Variants in ERMP1 observed in about 807,000 individuals in gnomAD.
The protein encoded by ERMP1 is endoplasmic reticulum metallopeptidase 1.
In ERMP1, 86 loss-of-function variants were observed where a neutral mutation model predicts 92.0. The observed-to-expected ratio is 0.93, with a 90% CI of 0.79 to 1.12. ERMP1 has a LOEUF of 1.12. Among genes scored for constraint, ERMP1 ranks in the 50% most tolerant of loss-of-function variants. The pLI is 0.00. For synonymous variants in ERMP1, 530 were observed against 412.8 expected (o/e 1.28, Z -3.44); for missense variants, 1,342 against 1,116.3 (o/e 1.20, Z -2.88).
upstream of ERMP1, among the ~76,000 whole-genome samples, chr9:5,834,253 GTCTTTTTAAC>G (rs1830054165): frequency 6.6e-6 from 1 of 152,090 alleles, no homozygotes; most frequent in South Asian, 2.1e-4. Context: ...TCTCCTCATT[GTCTTTTTAAC>G]TCCTAGTTAT....
At chr9:5,797,980 G>C (rs775841720) in intron 12 of ERMP1, 48 bp from the exon 13 acceptor site, 2 of 1,143,412 alleles carry the variant, frequency 1.7e-6, no homozygotes, top group Non-Finnish European at 2.7e-6. Flanking sequence ...TTATTTGATG[G>C]CTATCTGTAA....
intron 13 of ERMP1, among the ~76,000 whole-genome samples, chr9:5,791,484 C>T (rs1358030968): frequency 2.0e-5 from 3 of 152,168 alleles, no homozygotes; most frequent in African/African-American, 7.2e-5. Context: ...TTCACAGAAA[C>T]ATCTAGGATA....
At chr9:5,812,344 T>C (rs1829129394) in intron 5 of ERMP1, 127 bp from the exon 6 acceptor site, 1 of 598,610 alleles carries the variant, frequency 1.7e-6, no homozygotes, top group Non-Finnish European at 2.9e-6. Flanking sequence ...CTTTGTCACA[T>C]TTACAAACGA....
intron 13 of ERMP1, among the ~76,000 whole-genome samples, chr9:5,790,274 G>T (rs1017517885): frequency 2.6e-5 from 4 of 151,068 alleles, no homozygotes; most frequent in African/African-American, 9.7e-5. Context: ...CTGCCTCCCG[G>T]GTTCAAGTAA....
chr9:5,830,779 G>C lies in ERMP1; in HGVS notation c.588C>G (p.Ala196=). 6.2e-7 allele frequency: 1 copy of C among 1,614,036 alleles called. No individual in the cohort carries two copies. The highest frequency in any genetic ancestry group is 8.5e-7 in the Non-Finnish European group (1 of 1,179,980). ...VVVKLEPRDG[A]QHAVLANCHF... is the part of the protein sequence containing the mutation. ...GACAATTAGCCAAGACAGCATGCTGGGCTCCATCTCTGGGTTCCAGCTTTA... is the reference window on the plus strand; with the variant it reads ...GACAATTAGCCAAGACAGCATGCTGCGCTCCATCTCTGGGTTCCAGCTTTA... The change falls in exon 2 of 15, where the codon GCC becomes GCG. Residue 196 remains alanine (A), a synonymous_variant. Transcript: ENST00000339450.
rs1313249324 is a variant in ERMP1, at chr9:5,832,985, C to T, written c.43G>A (p.Val15Ile). ...GCTCCCTCTCGACGCTCTACTCCGACGCGGTGCCGCCTCACAGCAGCCGAC... is the reference window on the plus strand; with the variant it reads ...GCTCCCTCTCGACGCTCTACTCCGATGCGGTGCCGCCTCACAGCAGCCGAC... ...SESAAVRRHR[V>I]GVERREGAAA... is the part of the protein sequence containing the mutation. The change falls in exon 1 of 15, where the codon GTC (valine) becomes ATC (isoleucine). Residue 15 changes from valine (V) to isoleucine (I), a missense_variant. Transcript: ENST00000339450. 4 of 1,561,154 alleles carry T rather than the reference C, an allele frequency of 2.6e-6. No individual in the cohort carries two copies. The highest frequency in any genetic ancestry group is 2.5e-5 in the East Asian group (1 of 40,050).
At chr9:5,842,434 C>CAAAAAAAAAAAAA (rs57411750) in intron 6 of ERMP1, among the ~76,000 whole-genome samples, 2 of 107,878 alleles carry the variant, frequency 1.9e-5, no homozygotes, top group Non-Finnish European at 1.9e-5. Context: ...GAGACTGTCT[C>CAAAAAAAAAAAAA]AAAAAAAAAA....
intron 5 of ERMP1, among the ~76,000 whole-genome samples, chr9:5,864,362 C>G (rs947054081): frequency 6.6e-6 from 1 of 152,158 alleles, no homozygotes; most frequent in African/African-American, 2.4e-5. Context: ...AGACTCCTCA[C>G]CAAGAACCCA....
At position 5,786,903 on chromosome 9, in the gene ERMP1, G is replaced by A; in HGVS notation, c.*241C>T. 2.7e-6 allele frequency: 1 copy of A among 364,474 alleles called. No homozygotes were observed. The highest frequency in any genetic ancestry group is 5.0e-6 in the Non-Finnish European group (1 of 200,278). 22.6% of individuals were successfully genotyped at this position (364,474 alleles called of 1,614,324 possible). A position where few individuals can be genotyped will look rare whatever the true frequency, so the allele number is the denominator to read the frequency against. ...ATAAAATGACGTGTGTGTAGTGGCA[G>A]TACCCACATGTGCTGAAGTGCCAAA... On this transcript the variant is annotated 3_prime_UTR_variant, in exon 15 of 15. Transcript: ENST00000339450.
In ERMP1 at chr9:5,825,170, G is replaced by A. The variant is rs754836111; in HGVS notation, c.690C>T (p.Arg230=). Residue 230 remains arginine (R), a synonymous_variant, in exon 3 of 15, where the codon CGC becomes CGT. Transcript: ENST00000339450. ...AGGCTTCTGAAGATGTTGACAAGAC[G>A]CGAAGGACTTCCAGCATCACTGAGC... ...VSCSVMLEVL[R]VLSTSSEALH... 20 of 1,613,988 alleles carry A rather than the reference G, an allele frequency of 1.2e-5. No homozygotes were observed. The highest frequency in any genetic ancestry group is 1.4e-5 in the Non-Finnish European group (17 of 1,179,890).
At chr9:5,866,875 A>G (rs1036054087) in intron 5 of ERMP1, among the ~76,000 whole-genome samples, 1 of 152,084 alleles carries the variant, frequency 6.6e-6, no homozygotes, top group African/African-American at 2.4e-5. Flanking sequence ...CCTGAGCCTC[A>G]TTGGCCTCAT....
At chr9:5,849,853 A>T (rs1830284420) in intron 6 of ERMP1, among the ~76,000 whole-genome samples, 1 of 152,192 alleles carries the variant, frequency 6.6e-6, no homozygotes, top group Non-Finnish European at 1.5e-5. Flanking sequence ...TTGACACAAG[A>T]CAGTAAAATC....
At chr9:5,808,308 AC>A (rs1828946247) in intron 8 of ERMP1, among the ~76,000 whole-genome samples, 1 of 152,264 alleles carries the variant, frequency 6.6e-6, no homozygotes, top group African/African-American at 2.4e-5. Flanking sequence ...GCCCCAATCA[AC>A]AATAGTTAGC....
chr9:5,788,044 T>C (rs528059268), intron 13 of ERMP1, among the ~76,000 whole-genome samples: 3 of 152,322 alleles, frequency 2.0e-5, no homozygotes, highest in African/African-American at 7.2e-5. Flanking sequence ...CCCTTCAAGC[T>C]GGAAAATATT....
In ERMP1 at chr9:5,787,264, A is replaced by G. The variant is rs916554295; in HGVS notation, c.2595T>C (p.Ala865=). 1.2e-6 allele frequency: 2 copies of G among 1,613,950 alleles called. No individual in the cohort carries two copies. Among genetic ancestry groups the G allele is most frequent in the African/African-American group, 2.7e-5 (2 of 74,934 alleles). ...HPEGMVTVAI[A]AHYLSGEDKR... Reference sequence around the variant, plus strand: ...TGTCTTCCCCAGACAGATAGTGGGCAGCAATGGCCACGGTGACCATTCCTT... The same window carrying G: ...TGTCTTCCCCAGACAGATAGTGGGCGGCAATGGCCACGGTGACCATTCCTT... The change falls in exon 15 of 15, where the codon GCT becomes GCC. Residue 865 remains alanine, a synonymous_variant. Coordinates refer to ENST00000339450, the MANE Select transcript of ERMP1 (RefSeq NM_024896.3).
intron 8 of ERMP1, 79 bp from the exon 9 acceptor site, chr9:5,805,864 C>A: frequency 9.0e-7 from 1 of 1,105,908 alleles, no homozygotes. Flanking sequence ...ACACACTTTC[C>A]ATCACTCAGG....
intron 5 of ERMP1, among the ~76,000 whole-genome samples, chr9:5,860,491 C>G (rs532587443): frequency 5.9e-5 from 9 of 152,070 alleles, no homozygotes; most frequent in Non-Finnish European, 1.0e-4. Flanking sequence ...GAATGAAGCT[C>G]AGAGCCATAA....
chr9:5,798,748 G>T, intron 12 of ERMP1, 58 bp downstream of exon 12: 1 of 1,070,870 alleles, frequency 9.3e-7, no homozygotes, highest in Non-Finnish European at 1.4e-6. Context: ...TAAGAGTACT[G>T]ATATGGTGAC....
chr9:5,797,179 G>A (rs1828462887), intron 13 of ERMP1, among the ~76,000 whole-genome samples: 1 of 151,844 alleles, frequency 6.6e-6, no homozygotes, highest in Non-Finnish European at 1.5e-5. Flanking sequence ...TAAGACTACA[G>A]GCATGCACCA....
Sources: gnomAD v4.1 joint callset for allele counts (sites outside exome capture counted in the v4.1 genomes callset) on GRCh38, gnomAD v4.1.1 for gene constraint, MANE v1.5 for transcripts, NCBI Gene and HGNC (gene_info 2026-07-23, HGNC 2026-07-21) for gene names.